Variants in PAGE5 observed in about 807,000 individuals in gnomAD.
PAGE5 encodes the protein P antigen family member 5.
PAGE5 carries 8 observed loss-of-function variants against 8.1 expected under a neutral mutation model. The observed-to-expected ratio is 0.98, with a 90% CI of 0.58 to 1.77. The LOEUF is 1.77. Among genes scored for constraint, PAGE5 ranks in the 40% most tolerant of loss-of-function variants. PAGE5 has a pLI of 0.00. For synonymous variants in PAGE5, 30 were observed against 27.0 expected, an observed-to-expected ratio of 1.11 and a Z score of -0.35; for missense variants, 64 against 77.6, an observed-to-expected ratio of 0.82 and a Z score of 0.66.
rs1253715785 is a variant in PAGE5, at chrX:55,221,805, A to G, written c.120A>G (p.Glu40=). Residue 40 remains glutamate (E), a synonymous_variant, in exon 3 of 5, where the codon GAA becomes GAG. Transcript: ENST00000374955. ...QPTEEKRQEE[E]PPTDNQGIAP... is the part of the protein sequence containing the mutation. Reference sequence around the variant, plus strand: ...CTGAGGAAAAACGTCAAGAAGAGGAACCACCAACTGATAATCAGGGTATTG... The same window carrying G: ...CTGAGGAAAAACGTCAAGAAGAGGAGCCACCAACTGATAATCAGGGTATTG... 31 of 1,208,433 alleles carry G rather than the reference A, an allele frequency of 2.6e-5. No individual in the cohort carries two copies. Among genetic ancestry groups the G allele is most frequent in the African/African-American group, 3.5e-5 (2 of 57,086 alleles).
chrX:55,222,600 TGAC>T lies in PAGE5; in HGVS notation c.191-17_191-15del, dbSNP rs762133300. The stretch of plus-strand genomic sequence containing the variant: ...ATAGTTCATATTTTAATTCGTAAAT[TGAC>T]GACTTTTTATCTTTAAGGGACTGAT... On this transcript the variant is annotated intron_variant, in intron 3 of 4. Coordinates refer to ENST00000374955, the MANE Select transcript of PAGE5 (RefSeq NM_001013435.3). The T allele has an allele frequency of 1.2e-5, 14 of 1,193,060 alleles. No homozygotes were observed. The highest frequency in any genetic ancestry group is 4.4e-5 in the Admixed American group (2 of 45,604).
chrX:55,221,349 T>C (rs1376243736), intron 1 of PAGE5, 26 bp from the exon 2 acceptor site: 2 of 1,177,474 alleles, frequency 1.7e-6, no homozygotes, highest in African/African-American at 3.5e-5. Flanking sequence ...ACACACTTTT[T>C]CCAAATAACA....
intron 1 of PAGE5, chrX:55,220,677 C>A (rs1236383118): frequency 8.5e-7 from 1 of 1,183,008 alleles, no homozygotes; most frequent in African/African-American, 1.8e-5. Context: ...GGTAGATCGC[C>A]TGAAGATGGT....
At chrX:55,220,670 A>T in intron 1 of PAGE5, 1 of 1,190,441 alleles carries the variant, frequency 8.4e-7, no homozygotes, top group South Asian at 1.9e-5. Flanking sequence ...TGGAGGGGGT[A>T]GATCGCCTGA....
rs755959250 is a variant in PAGE5 at position 55,221,433 on chromosome X, A to G, written c.51A>G (p.Gln17=). The stretch of plus-strand genomic sequence containing the variant: ...AATCCTCAGAAAGAGGAAATGACCA[A>G]GAGTCTTCCCAGCCAGTTGGACCTG... ...RSQSSERGND[Q]ESSQPVGPVI... Residue 17 remains glutamine (Q), a synonymous_variant, in exon 2 of 5, where the codon CAA becomes CAG. Coordinates refer to ENST00000374955, the MANE Select transcript of PAGE5 (RefSeq NM_001013435.3). 8.3e-7 allele frequency: 1 copy of G among 1,210,412 alleles called. No homozygotes were observed. Among genetic ancestry groups the G allele is most frequent in the South Asian group, 1.8e-5 (1 of 56,898 alleles).
chrX:55,222,534 T>C, intron 3 of PAGE5, 87 bp from the exon 4 acceptor site: 1 of 1,020,704 alleles, frequency 9.8e-7, no homozygotes. Context: ...TACAGGTTTT[T>C]ATTTCACAAT....
At chrX:55,220,776 G>A (rs754609599) in intron 1 of PAGE5, 35 of 704,178 alleles carry the variant, frequency 5.0e-5, no homozygotes, top group Non-Finnish European at 6.2e-5. Flanking sequence ...TGGACTCTTC[G>A]TTAGGGATGC....
rs187381381 is a variant in PAGE5, at chrX:55,223,400, A to T, written c.317-587A>T. Among the ~76,000 whole-genome samples the T allele has an allele frequency of 2.1e-3, 238 of 112,023 alleles. 1 individual carries two copies. The highest frequency in any genetic ancestry group is 7.0e-3 in the African/African-American group (215 of 30,882). ...CGTGGGGGTTTTCAGTTTACTGTAT[A>T]AACTGAAATGCTTTTAAGCATGTTG... On this transcript the variant is annotated intron_variant, in intron 4 of 4. Transcript: ENST00000374955.
chrX:55,224,024 A>G lies in PAGE5; in HGVS notation c.*21A>G. 1 of 1,109,732 alleles carries G rather than the reference A, an allele frequency of 9.0e-7. No individual in the cohort carries two copies. The highest frequency in any genetic ancestry group is 1.2e-6 in the Non-Finnish European group (1 of 826,626). The allele number at this position is 1,109,732 out of a possible 1,213,427, so 91.5% of individuals were successfully genotyped here. On this transcript the variant is annotated 3_prime_UTR_variant, in exon 5 of 5. Coordinates refer to ENST00000374955, the MANE Select transcript of PAGE5 (RefSeq NM_001013435.3). ...TATAGGTTTAAACCAAGACAAATGAAGACTGAAACCAAGAATATTGTTCTT... is the reference window on the plus strand; with the variant it reads ...TATAGGTTTAAACCAAGACAAATGAGGACTGAAACCAAGAATATTGTTCTT...
At chrX:55,220,618 G>A (rs761008332) in intron 1 of PAGE5, 166 bp downstream of exon 1, 13 of 1,202,043 alleles carry the variant, frequency 1.1e-5, no homozygotes, top group Admixed American at 8.9e-5. Flanking sequence ...GCCATGGGCC[G>A]GTAATCGTGG....
chrX:55,223,872 G>A, intron 4 of PAGE5, 115 bp from the exon 5 acceptor site: 2 of 497,717 alleles, frequency 4.0e-6, no homozygotes, highest in South Asian at 5.9e-5. Context: ...GTAAGCTAAA[G>A]GGACACCCTC....
At chrX:55,223,362 G>A (rs1937917725) in intron 4 of PAGE5, among the ~76,000 whole-genome samples, 1 of 112,003 alleles carries the variant, frequency 8.9e-6, no homozygotes, top group Non-Finnish European at 1.9e-5. Flanking sequence ...TGCTGGTAAT[G>A]TCTTAAAGCT....
intron 1 of PAGE5, chrX:55,220,776 G>C: frequency 2.8e-6 from 2 of 704,180 alleles, no homozygotes; most frequent in Admixed American, 3.7e-5. Context: ...TGGACTCTTC[G>C]TTAGGGATGC....
At chrX:55,220,920 G>A (rs1937883747) in intron 1 of PAGE5, among the ~76,000 whole-genome samples, 1 of 110,898 alleles carries the variant, frequency 9.0e-6, no homozygotes, top group African/African-American at 3.3e-5. Context: ...ACTCTGTGTC[G>A]CAACTTCTCA....
intron 1 of PAGE5, 86 bp from the exon 2 acceptor site, chrX:55,221,289 T>G: frequency 1.1e-6 from 1 of 889,149 alleles, no homozygotes; most frequent in Non-Finnish European, 1.6e-6. Flanking sequence ...ATTAAAAAAG[T>G]ACAAATCACC....
At chrX:55,222,548 G>C (rs1298082546) in intron 3 of PAGE5, 73 bp from the exon 4 acceptor site, 8 of 1,054,258 alleles carry the variant, frequency 7.6e-6, no homozygotes, top group Non-Finnish European at 1.1e-5. Context: ...TCACAATGAT[G>C]AGGGAATAAA....
At position 55,220,355 on chromosome X, in the gene PAGE5, A is replaced by G; in HGVS notation, c.-106A>G. 2 of 391,859 alleles carry G rather than the reference A, an allele frequency of 5.1e-6. No individual in the cohort carries two copies. The highest frequency in any genetic ancestry group is 6.7e-5 in the South Asian group (2 of 30,070). 32.3% of individuals were successfully genotyped at this position (391,859 alleles called of 1,213,427 possible). A position where few individuals can be genotyped will look rare whatever the true frequency, so the allele number is the denominator to read the frequency against. Reference sequence around the variant, plus strand: ...GCGCCTTTCTGCCCACCTTCTGTCTAGGCAGAGCTCTGCAAGGAGAGGTTG... The same window carrying G: ...GCGCCTTTCTGCCCACCTTCTGTCTGGGCAGAGCTCTGCAAGGAGAGGTTG... On this transcript the variant is annotated 5_prime_UTR_variant, in exon 1 of 5. Transcript: ENST00000374955.
rs759965291 is a variant in PAGE5 at position 55,221,418 on chromosome X, A to C, written c.36A>C (p.Glu12Asp). 16 of 1,209,310 alleles carry C rather than the reference A, an allele frequency of 1.3e-5. No individual in the cohort carries two copies. In the East Asian group the frequency reaches 3.3e-4, roughly 25 times the overall value. Residue 12 changes from glutamate to aspartate, a missense_variant, in exon 2 of 5, where the codon GAA becomes GAC. Glu to Asp is a conservative substitution (Grantham distance 45). Coordinates refer to ENST00000374955, the MANE Select transcript of PAGE5 (RefSeq NM_001013435.3). The part of the protein sequence containing the change: ...SEHVTRSQSS[E>D]RGNDQESSQP... ...ATGTAACAAGATCCCAATCCTCAGA[A>C]AGAGGAAATGACCAAGAGTCTTCCC...
chrX:55,221,974 G>C, intron 3 of PAGE5, 99 bp downstream of exon 3: 1 of 904,536 alleles, frequency 1.1e-6, no homozygotes, highest in Admixed American at 2.8e-5. Context: ...AAAACATTAG[G>C]AAGGAATCTT....
Sources: gnomAD v4.1 joint callset for allele counts (sites outside exome capture counted in the v4.1 genomes callset) on GRCh38, gnomAD v4.1.1 for gene constraint, MANE v1.5 for transcripts, NCBI Gene and HGNC (gene_info 2026-07-23, HGNC 2026-07-21) for gene names.